The following MYZAP variants were observed in gnomAD, a reference collection of about 807,000 sequenced individuals.
MYZAP encodes the protein GRINL1A complex locus upstream.
In MYZAP, 66 loss-of-function variants were observed where a neutral mutation model predicts 69.4. The observed-to-expected ratio is 0.95, with a 90% confidence interval of 0.78 to 1.17. The LOEUF is 1.17. Ranked by LOEUF, MYZAP falls within the 50% of genes most tolerant of loss-of-function variation. The probability of loss-of-function intolerance (pLI) is 0.00; values close to 1 mark genes in which losing one functional copy is unlikely to be tolerated. For synonymous variants in MYZAP, 256 were observed against 205.9 expected (o/e 1.24, Z -2.09); for missense variants, 611 against 556.2 (o/e 1.10, Z -0.99).
intron 2 of MYZAP, among the ~76,000 whole-genome samples, chr15:57,616,338 G>C (rs1359941614): frequency 6.6e-6 from 1 of 152,158 alleles, no homozygotes. Context: ...AACCTTGTCT[G>C]TACTAAAAAT....
intron 10 of MYZAP, among the ~76,000 whole-genome samples, chr15:57,648,673 T>G (rs1267640111): frequency 4.6e-5 from 7 of 152,210 alleles, no homozygotes; most frequent in African/African-American, 1.7e-4. Flanking sequence ...TCTTGTTACT[T>G]TTAATTGGAA....
In MYZAP at chr15:57,684,407, C is replaced by G. The variant is rs367771981; in HGVS notation, c.1310C>G (p.Thr437Arg). Reference sequence around the variant, plus strand: ...TGCATTTTCTCATTTCTCAGCCAAACAGGCAGGACTCGTGAAATTGTGATG... The same window carrying G: ...TGCATTTTCTCATTTCTCAGCCAAAGAGGCAGGACTCGTGAAATTGTGATG... ...GVGCDLLPSQ[T>R]GRTREIVMPS... The change falls in exon 13 of 13, where the codon ACA becomes AGA. Residue 437 changes from threonine to arginine, a missense_variant. Physicochemically the swap from Thr to Arg is moderately conservative, Grantham distance 71. Coordinates refer to ENST00000267853, the MANE Select transcript of MYZAP (RefSeq NM_001018100.5). 1 of 1,611,014 alleles carries G rather than the reference C, an allele frequency of 6.2e-7. No individual in the cohort carries two copies. The highest frequency in any genetic ancestry group is 8.5e-7 in the Non-Finnish European group (1 of 1,178,090).
At chr15:57,629,218 C>T (rs2733591) in intron 5 of MYZAP, among the ~76,000 whole-genome samples, 87,449 of 151,876 alleles carry the variant, frequency 0.58, 25,403 homozygotes, top group African/African-American at 0.6. Flanking sequence ...AAAATAGATA[C>T]CCATAGCCCT....
At chr15:57,599,757 C>T (rs114674161) in intron 1 of MYZAP, 12 of 1,242,682 alleles carry the variant, frequency 9.7e-6, no homozygotes, top group Admixed American at 2.3e-5. Flanking sequence ...GGGGAGATTG[C>T]GGAAGGTGAA....
intron 10 of MYZAP, among the ~76,000 whole-genome samples, chr15:57,648,936 T>A (rs572655464): frequency 6.6e-6 from 1 of 151,606 alleles, no homozygotes; most frequent in East Asian, 1.9e-4. Flanking sequence ...ATGATTTTAC[T>A]GTGTATATAT....
At chr15:57,614,676 T>A (rs1205437532) in intron 2 of MYZAP, among the ~76,000 whole-genome samples, 1 of 152,184 alleles carries the variant, frequency 6.6e-6, no homozygotes, top group Non-Finnish European at 1.5e-5. Flanking sequence ...CAAATGGCCC[T>A]GGGACCTGAG....
At chr15:57,668,894 A>ATATATATTTTTT (rs1252525814) in intron 11 of MYZAP, among the ~76,000 whole-genome samples, 1 of 62,608 alleles carries the variant, frequency 1.6e-5, no homozygotes, top group African/African-American at 3.9e-5. Context: ...ATATATATAT[A>ATATATATTTTTT]TTTTTTTTTT....
chr15:57,646,572 T>G, intron 10 of MYZAP: 1 of 1,013,216 alleles, frequency 9.9e-7, no homozygotes. Flanking sequence ...GCCAAAGACA[T>G]CTGCTAAGGA....
At chr15:57,657,583 A>G (rs1230989592) in intron 10 of MYZAP, among the ~76,000 whole-genome samples, 4 of 152,124 alleles carry the variant, frequency 2.6e-5, no homozygotes, top group Admixed American at 2.6e-4. Flanking sequence ...CATGAAATTG[A>G]TATTTCATAA....
chr15:57,681,109 A>G (rs1210570662), intron 12 of MYZAP, among the ~76,000 whole-genome samples: 2 of 152,218 alleles, frequency 1.3e-5, no homozygotes, highest in Non-Finnish European at 2.9e-5. Flanking sequence ...TCACCTTTAT[A>G]AATATTTCTG....
chr15:57,619,518 C>T (rs1344264079), intron 3 of MYZAP, among the ~76,000 whole-genome samples: 1 of 152,116 alleles, frequency 6.6e-6, no homozygotes, highest in East Asian at 1.9e-4. Context: ...GCTGGGACTG[C>T]AGGTGCGCAC....
intron 10 of MYZAP, among the ~76,000 whole-genome samples, chr15:57,660,144 A>G (rs1263512209): frequency 1.3e-5 from 2 of 152,162 alleles, no homozygotes; most frequent in Non-Finnish European, 2.9e-5. Context: ...GTGTTTCCTA[A>G]AATAACACAT....
chr15:57,668,894 A>ATATATTT (rs1252525814), intron 11 of MYZAP, among the ~76,000 whole-genome samples: 1 of 62,606 alleles, frequency 1.6e-5, no homozygotes, highest in African/African-American at 3.9e-5. Context: ...ATATATATAT[A>ATATATTT]TTTTTTTTTT....
chr15:57,636,550 G>A (rs1359001782), intron 8 of MYZAP, among the ~76,000 whole-genome samples: 2 of 152,180 alleles, frequency 1.3e-5, no homozygotes, highest in Non-Finnish European at 1.5e-5. Context: ...ACATAAAGAT[G>A]AGGAACATTA....
intron 10 of MYZAP, among the ~76,000 whole-genome samples, chr15:57,650,854 A>G (rs1164059124): frequency 6.6e-6 from 1 of 152,228 alleles, no homozygotes; most frequent in Non-Finnish European, 1.5e-5. Flanking sequence ...TGCAGACCAG[A>G]AAGTATAGGG....
intron 10 of MYZAP, among the ~76,000 whole-genome samples, chr15:57,642,798 G>A (rs2037236197): frequency 7.2e-6 from 1 of 138,628 alleles, no homozygotes; most frequent in Admixed American, 7.3e-5. Flanking sequence ...AAAAGTAACT[G>A]GCCCAGGTTT....
intron 10 of MYZAP, among the ~76,000 whole-genome samples, chr15:57,649,917 G>A (rs766979354): frequency 6.6e-5 from 10 of 151,978 alleles, no homozygotes; most frequent in Non-Finnish European, 1.2e-4. Flanking sequence ...TATATATTTT[G>A]TCTGTTACCT....
chr15:57,669,486 C>T (rs1467960778), intron 11 of MYZAP, among the ~76,000 whole-genome samples: 1 of 152,108 alleles, frequency 6.6e-6, no homozygotes, highest in Non-Finnish European at 1.5e-5. Flanking sequence ...CTTTCTCTCC[C>T]TATCTTATCC....
At chr15:57,643,135 G>A (rs1413151850) in intron 10 of MYZAP, among the ~76,000 whole-genome samples, 1 of 152,142 alleles carries the variant, frequency 6.6e-6, no homozygotes, top group African/African-American at 2.4e-5. Flanking sequence ...AAAGCCCCAC[G>A]TGTGCCTCTT....
Sources: allele counts gnomAD v4.1 joint callset (sites outside exome capture counted in the v4.1 genomes callset), GRCh38; gene constraint gnomAD v4.1.1; transcripts MANE v1.5; gene names NCBI Gene and HGNC (gene_info 2026-07-23, HGNC 2026-07-21).